Variants in ATP10A observed in about 807,000 individuals in gnomAD.
The protein encoded by ATP10A is ATPase phospholipid transporting 10A (putative), also known as phospholipid-transporting ATPase VA.
Under a neutral mutation model 147.8 loss-of-function variants are expected in ATP10A, and 111 were observed. That is an observed-to-expected ratio of 0.75 (90% CI 0.64 to 0.88). The LOEUF (loss-of-function observed/expected upper bound fraction) is 0.88. ATP10A is among the 40% of genes least tolerant of loss of function. ATP10A has a pLI of 0.00. For synonymous variants in ATP10A, 875 were observed against 841.6 expected, an observed-to-expected ratio of 1.04 and a Z score of -0.69; for missense variants, 1,927 against 1,959.0, an observed-to-expected ratio of 0.98 and a Z score of 0.31.
At chr15:25,781,928 C>T (rs1889945360) in intron 1 of ATP10A, among the ~76,000 whole-genome samples, 1 of 152,074 alleles carries the variant, frequency 6.6e-6, no homozygotes, top group Non-Finnish European at 1.5e-5. Context: ...ATTTTTCACT[C>T]CAAAATGGTT....
chr15:25,723,798 C>T (rs1902388395), intron 6 of ATP10A, 93 bp downstream of exon 6: 1 of 1,202,704 alleles, frequency 8.3e-7, no homozygotes, highest in South Asian at 2.2e-5. Flanking sequence ...TTCCTAGATG[C>T]AGAATTTATA....
At chr15:25,758,990 T>G (rs559085318) in intron 2 of ATP10A, among the ~76,000 whole-genome samples, 118 of 152,102 alleles carry the variant, frequency 7.8e-4, no homozygotes, top group Non-Finnish European at 1.5e-3. Flanking sequence ...TCTCTTTAAA[T>G]TAGCCCATTG....
At chr15:25,712,177 G>A (rs1029558711) in intron 10 of ATP10A, among the ~76,000 whole-genome samples, 1 of 152,186 alleles carries the variant, frequency 6.6e-6, no homozygotes, top group African/African-American at 2.4e-5. Context: ...TAATTTTTTG[G>A]GGGGGACGGG....
At chr15:25,737,456 G>T (rs1334048516) in intron 2 of ATP10A, among the ~76,000 whole-genome samples, 7 of 152,184 alleles carry the variant, frequency 4.6e-5, no homozygotes, top group Admixed American at 4.6e-4. Context: ...AAATGTCATG[G>T]ACATGGCTCA....
intron 2 of ATP10A, among the ~76,000 whole-genome samples, chr15:25,780,329 G>A (rs1353452662): frequency 2.0e-5 from 3 of 152,268 alleles, no homozygotes; most frequent in Non-Finnish European, 2.9e-5. Context: ...GGCTTGGGAG[G>A]AGAAGGCTCG....
chr15:25,843,794 C>T (rs1199245401), intron 1 of ATP10A, among the ~76,000 whole-genome samples: 11 of 152,180 alleles, frequency 7.2e-5, no homozygotes, highest in Non-Finnish European at 1.5e-4. Context: ...CAGCTCCCGT[C>T]GCAGACCCCA....
chr15:25,700,833 T>C (rs1900617427), intron 13 of ATP10A, among the ~76,000 whole-genome samples: 1 of 151,984 alleles, frequency 6.6e-6, no homozygotes, highest in Non-Finnish European at 1.5e-5. Context: ...AATTTTACTA[T>C]ATGCTAATTA....
chr15:25,683,201 G>A (rs2140285230), intron 17 of ATP10A, 85 bp downstream of exon 17: 1 of 1,304,032 alleles, frequency 7.7e-7, no homozygotes, highest in Admixed American at 1.8e-5. Context: ...CATCTGAAGG[G>A]AGGCTGGGGG....
chr15:25,727,376 G>T, intron 3 of ATP10A, 110 bp from the exon 4 acceptor site: 3 of 975,202 alleles, frequency 3.1e-6, no homozygotes, highest in Admixed American at 2.0e-5. Flanking sequence ...GCTTGGGGCC[G>T]CTGGGATCTG....
At chr15:25,705,634 G>A (rs117128474) in intron 12 of ATP10A, among the ~76,000 whole-genome samples, 1,786 of 152,196 alleles carry the variant, frequency 0.012, 18 homozygotes, top group Middle Eastern at 0.041. Flanking sequence ...CTCAGGCCTC[G>A]TCATTTGAAA....
intron 18 of ATP10A, 27 bp from the exon 19 acceptor site, chr15:25,680,941 G>C: frequency 6.2e-7 from 1 of 1,613,306 alleles, no homozygotes; most frequent in Non-Finnish European, 8.5e-7. Flanking sequence ...TCCTGGATCT[G>C]TAGGTCCCCG....
In ATP10A at chr15:25,785,429, C is replaced by A. The variant is rs547308545; in HGVS notation, c.450-4206G>T. ...GTCTGACTTCCAGGCTCCAGAACTG[C>A]GAGGTGATACATTCCTGCTGTTGAA... is the stretch of plus-strand genomic sequence containing the variant. On this transcript the variant is annotated intron_variant, in intron 1 of 20. Transcript: ENST00000555815. 1.9e-4 allele frequency among the ~76,000 whole-genome samples: 29 copies of A among 152,292 alleles called. No individual in the cohort carries two copies. In the South Asian group the frequency reaches 5.4e-3, roughly 28 times the overall value.
At chr15:25,848,703 A>G (rs570188946) in intron 1 of ATP10A, 1 of 153,940 alleles carries the variant, frequency 6.5e-6, no homozygotes, top group Non-Finnish European at 1.5e-5. Context: ...CACTGGGCCC[A>G]CAATTCACTC....
At chr15:25,815,118 G>A (rs74334776) in intron 1 of ATP10A, among the ~76,000 whole-genome samples, 4,501 of 152,178 alleles carry the variant, frequency 0.03, 79 homozygotes, top group African/African-American at 0.037. Context: ...CTACCAGGTC[G>A]ACATCACACC....
At chr15:25,791,596 A>G (rs748793339) in intron 1 of ATP10A, among the ~76,000 whole-genome samples, 10 of 151,916 alleles carry the variant, frequency 6.6e-5, no homozygotes, top group Non-Finnish European at 1.2e-4. Flanking sequence ...TATGTTGCCC[A>G]GGGTGGTCTC....
intron 13 of ATP10A, among the ~76,000 whole-genome samples, chr15:25,696,139 G>A (rs1028035464): frequency 6.6e-6 from 1 of 152,154 alleles, no homozygotes; most frequent in Non-Finnish European, 1.5e-5. Context: ...AGTCTGCTGG[G>A]TCAGTGACCA....
intron 2 of ATP10A, among the ~76,000 whole-genome samples, chr15:25,772,146 C>G (rs1049128493): frequency 6.6e-6 from 1 of 152,156 alleles, no homozygotes; most frequent in African/African-American, 2.4e-5. Flanking sequence ...ATACTTCTGC[C>G]TCAGTCACTC....
Position 25,862,738 on chromosome 15 carries a change from G to C in ATP10A, c.359C>G (p.Ala120Gly), listed in dbSNP as rs1361724849. The C allele has an allele frequency of 1.2e-6, 2 of 1,612,434 alleles. No individual in the cohort carries two copies. The highest frequency in any genetic ancestry group is 1.7e-6 in the Non-Finnish European group (2 of 1,179,410). The part of the protein sequence containing the change: ...LALAPVLFIL[A>G]ITAFRDLWED... The stretch of plus-strand genomic sequence containing the variant: ...CCACAGGTCCCTGAAGGCCGTGATG[G>C]CCAGGATGAAGAGCACCGGCGCCAG... Residue 120 changes from alanine to glycine, a missense_variant, in exon 1 of 21, where the codon GCC becomes GGC. Ala to Gly is a moderately conservative substitution (Grantham distance 60, BLOSUM62 0). Transcript: ENST00000555815.
chr15:25,718,505 C>G, intron 7 of ATP10A, 106 bp from the exon 8 acceptor site: 2 of 1,193,140 alleles, frequency 1.7e-6, no homozygotes, highest in Non-Finnish European at 2.4e-6. Context: ...GGCAGGGCAG[C>G]CCCACAGGAT....
Sources: gnomAD v4.1 joint callset for allele counts (sites outside exome capture counted in the v4.1 genomes callset) on GRCh38, gnomAD v4.1.1 for gene constraint, MANE v1.5 for transcripts, NCBI Gene and HGNC (gene_info 2026-07-23, HGNC 2026-07-21) for gene names.